Variants in CLASP2 observed in about 807,000 individuals in gnomAD.
CLASP2 encodes CLIP-associating protein 2.
In CLASP2, 47 loss-of-function variants were observed where a neutral mutation model predicts 194.4. That is an observed-to-expected ratio of 0.24 (90% confidence interval 0.19 to 0.31). CLASP2 has a LOEUF of 0.31. Among genes scored for constraint, CLASP2 ranks in the 10% least tolerant of loss-of-function variants. The pLI, the probability that CLASP2 is intolerant of heterozygous loss-of-function variation, is 1.00. For missense variants in CLASP2, 1,445 were observed against 1,823.6 expected, an observed-to-expected ratio of 0.79 and a Z score of 3.78; for synonymous variants, 619 against 633.5, an observed-to-expected ratio of 0.98 and a Z score of 0.34.
chr3:33,515,585 G>A (rs1443353246), intron 36 of CLASP2, among the ~76,000 whole-genome samples: 1 of 152,124 alleles, frequency 6.6e-6, no homozygotes. Context: ...GGAGGCTGAG[G>A]CTGCAGTGAG....
chr3:33,602,535 G>C (rs556070435), intron 18 of CLASP2: 7 of 762,546 alleles, frequency 9.2e-6, no homozygotes, highest in Admixed American at 6.8e-5. Context: ...TTTAGGGTTT[G>C]GTTAGACAGA....
chr3:33,504,001 C>T (rs1205568756), intron 37 of CLASP2: 1 of 152,126 alleles, frequency 6.6e-6, no homozygotes, highest in Non-Finnish European at 1.5e-5. Context: ...TATTCAAGTC[C>T]TTTGTCCATT....
chr3:33,565,540 G>A (rs537022779), intron 27 of CLASP2, among the ~76,000 whole-genome samples: 2 of 152,230 alleles, frequency 1.3e-5, no homozygotes, highest in South Asian at 2.1e-4. Flanking sequence ...TAGGCTGGGC[G>A]TGGTGGCTCA....
In CLASP2 at chr3:33,695,396, TAAAAA is replaced by T. The variant is rs201224698; in HGVS notation, c.274+1454_274+1458del. Among the ~76,000 whole-genome samples, 4 of 144,976 alleles carry T rather than the reference TAAAAA, an allele frequency of 2.8e-5. No homozygotes were observed. In the South Asian group the frequency reaches 8.7e-4, roughly 32 times the overall value. ...GAGTTGTAAGGGGAGACTAACAGCT[TAAAAA>T]AAAAAATCTTTTCAGAAAATATTAA... On this transcript the variant is annotated intron_variant, in intron 2 of 38. Transcript: ENST00000682230.
intron 19 of CLASP2, among the ~76,000 whole-genome samples, chr3:33,596,249 C>T (rs138618505): frequency 3.3e-5 from 5 of 152,124 alleles, no homozygotes; most frequent in African/African-American, 7.2e-5. Flanking sequence ...TAGTTTACAA[C>T]GCACTCTTAA....
At chr3:33,684,249 AAAATAAAT>A (rs1001939571) in intron 6 of CLASP2, 102 bp downstream of exon 6, 5 of 585,548 alleles carry the variant, frequency 8.5e-6, no homozygotes, top group South Asian at 2.8e-5. Context: ...CCATCTCAAA[AAAATAAAT>A]AAATAAATAA....
intron 13 of CLASP2, among the ~76,000 whole-genome samples, chr3:33,609,227 C>T (rs1360071772): frequency 6.6e-6 from 1 of 152,030 alleles, no homozygotes; most frequent in Non-Finnish European, 1.5e-5. Flanking sequence ...TTGCAGTGAG[C>T]CGAGATCCTG....
At chr3:33,714,461 C>G (rs923547501) in intron 1 of CLASP2, among the ~76,000 whole-genome samples, 2 of 152,128 alleles carry the variant, frequency 1.3e-5, no homozygotes, top group Non-Finnish European at 2.9e-5. Context: ...TTTATTTGTT[C>G]TTCTCTCAGT....
intron 8 of CLASP2, among the ~76,000 whole-genome samples, chr3:33,639,450 G>C (rs2080879251): frequency 6.6e-6 from 1 of 152,092 alleles, no homozygotes; most frequent in East Asian, 1.9e-4. Context: ...AGAAAGGCTA[G>C]GTCTTTAGTT....
intron 6 of CLASP2, among the ~76,000 whole-genome samples, chr3:33,672,457 T>C (rs2087506366): frequency 6.6e-6 from 1 of 151,914 alleles, no homozygotes; most frequent in Admixed American, 6.6e-5. Flanking sequence ...ATCACCATCA[T>C]CAAAGACCAA....
At chr3:33,700,901 T>C (rs536016076) in intron 1 of CLASP2, among the ~76,000 whole-genome samples, 28 of 152,124 alleles carry the variant, frequency 1.8e-4, no homozygotes, top group African/African-American at 4.6e-4. Flanking sequence ...CACTCAACAA[T>C]TGGGAATTTT....
chr3:33,564,180 T>C (rs557486874), intron 27 of CLASP2, among the ~76,000 whole-genome samples: 1 of 152,318 alleles, frequency 6.6e-6, no homozygotes, highest in East Asian at 1.9e-4. Context: ...CAATTAGAAC[T>C]AGAACCAGGC....
intron 12 of CLASP2, among the ~76,000 whole-genome samples, chr3:33,617,495 T>G (rs1032757954): frequency 5.9e-5 from 9 of 152,176 alleles, no homozygotes; most frequent in African/African-American, 2.2e-4. Context: ...TCTAAATGAT[T>G]GAATATTTTT....
intron 25 of CLASP2, among the ~76,000 whole-genome samples, chr3:33,572,350 G>A (rs112416285): frequency 0.015 from 2,273 of 152,162 alleles, 51 homozygotes; most frequent in African/African-American, 0.05. Flanking sequence ...ATATTTAGGT[G>A]ATACAGAAAC....
At chr3:33,680,152 A>G (rs2154342621) in intron 6 of CLASP2, among the ~76,000 whole-genome samples, 1 of 152,356 alleles carries the variant, frequency 6.6e-6, no homozygotes, top group Admixed American at 6.5e-5. Flanking sequence ...TATGAATGTA[A>G]CTATATGGAG....
intron 7 of CLASP2, chr3:33,659,556 G>T: frequency 3.6e-6 from 1 of 280,546 alleles, no homozygotes; most frequent in Non-Finnish European, 5.4e-6. Flanking sequence ...AACAGGAATA[G>T]CCCAGTTTCC....
At chr3:33,598,427 A>G (rs1238294072) in intron 18 of CLASP2, among the ~76,000 whole-genome samples, 2 of 151,850 alleles carry the variant, frequency 1.3e-5, no homozygotes, top group African/African-American at 4.8e-5. Context: ...CTCCCCTTCT[A>G]CATCTGTGAA....
intron 1 of CLASP2, among the ~76,000 whole-genome samples, chr3:33,703,994 G>A (rs747932920): frequency 2.0e-5 from 3 of 152,180 alleles, no homozygotes; most frequent in Non-Finnish European, 2.9e-5. Flanking sequence ...GCCTGAAAAC[G>A]CTTCATACTG....
rs112367777 is a variant in CLASP2 at position 33,599,685 on chromosome 3, T to C, written c.1925-2951A>G. On this transcript the variant is annotated intron_variant, in intron 18 of 38. Coordinates refer to ENST00000682230, the MANE Select transcript of CLASP2 (RefSeq NM_001365631.1). ...CCTCTAATTCATACATGTATAGCCA[T>C]AAGTGAGGCTCAAAGTAGAAGAAAA... Among the ~76,000 whole-genome samples, 10 of 152,136 alleles carry C rather than the reference T, an allele frequency of 6.6e-5. 1 individual carries two copies. Among genetic ancestry groups the C allele is most frequent in the African/African-American group, 1.9e-4 (8 of 41,512 alleles).
Sources: gnomAD v4.1 joint callset for allele counts (sites outside exome capture counted in the v4.1 genomes callset) on GRCh38, gnomAD v4.1.1 for gene constraint, MANE v1.5 for transcripts, NCBI Gene and HGNC (gene_info 2026-07-23, HGNC 2026-07-21) for gene names.